The following FAT3 variants were observed in gnomAD, a reference collection of about 807,000 sequenced individuals.
FAT3 encodes the protein FAT atypical cadherin 3.
Under a neutral mutation model 310.2 loss-of-function variants are expected in FAT3, and 95 were observed. The observed-to-expected ratio is 0.31, with a 90% CI of 0.26 to 0.36. The LOEUF (loss-of-function observed/expected upper bound fraction) is 0.36. FAT3 is among the 10% of genes least tolerant of loss of function. The pLI is 1.00. For synonymous variants in FAT3, 2,314 were observed against 2,192.9 expected (o/e 1.06, Z -1.54); for missense variants, 5,408 against 5,715.6 (o/e 0.95, Z 1.74).
chr11:92,725,593 T>A (rs77390739), intron 4 of FAT3, among the ~76,000 whole-genome samples: 1 of 152,144 alleles, frequency 6.6e-6, no homozygotes, highest in Admixed American at 6.6e-5. Context: ...GTTTTTTTTT[T>A]AACCAATTCT....
At chr11:92,297,241 A>T (rs1251468577) in intron 1 of FAT3, among the ~76,000 whole-genome samples, 1 of 152,050 alleles carries the variant, frequency 6.6e-6, no homozygotes, top group Non-Finnish European at 1.5e-5. Flanking sequence ...CTGAATTTTC[A>T]TAGTGTTTCA....
intron 3 of FAT3, among the ~76,000 whole-genome samples, chr11:92,530,979 G>A (rs1185368141): frequency 6.6e-6 from 1 of 151,582 alleles, no homozygotes; most frequent in African/African-American, 2.4e-5. Context: ...ATCTATTGTT[G>A]TTTTTTGTTC....
At chr11:92,507,474 T>TG (rs1412898113) in intron 2 of FAT3, among the ~76,000 whole-genome samples, 1 of 151,942 alleles carries the variant, frequency 6.6e-6, no homozygotes, top group Admixed American at 6.6e-5. Context: ...TATATATGTG[T>TG]GGGGGTGTGT....
intron 2 of FAT3, among the ~76,000 whole-genome samples, chr11:92,391,916 C>T (rs951805546): frequency 6.6e-5 from 10 of 152,178 alleles, no homozygotes; most frequent in Non-Finnish European, 1.5e-4. Flanking sequence ...TGTCCTTGTG[C>T]TCTTTTCATA....
intron 4 of FAT3, among the ~76,000 whole-genome samples, chr11:92,698,381 G>A (rs964234716): frequency 2.0e-5 from 3 of 152,076 alleles, no homozygotes; most frequent in African/African-American, 7.2e-5. Flanking sequence ...AAAGAACACC[G>A]GACTAGGAAT....
chr11:92,438,624 A>G (rs889053187), intron 2 of FAT3, among the ~76,000 whole-genome samples: 1 of 152,180 alleles, frequency 6.6e-6, no homozygotes, highest in Non-Finnish European at 1.5e-5. Flanking sequence ...AATCGAAACA[A>G]TTTTGGTTAA....
At chr11:92,699,260 C>T (rs943917140) in intron 4 of FAT3, among the ~76,000 whole-genome samples, 10 of 152,028 alleles carry the variant, frequency 6.6e-5, no homozygotes, top group African/African-American at 2.4e-4. Flanking sequence ...TGGTGTGATA[C>T]AAGACATAAG....
chr11:92,671,032 GTTTTTGT>G (rs967812351), intron 3 of FAT3, among the ~76,000 whole-genome samples: 3 of 151,826 alleles, frequency 2.0e-5, no homozygotes, highest in South Asian at 2.1e-4. Context: ...TTGGCTCACG[GTTTTTGT>G]TTTTTGTTTT....
At chr11:92,375,400 C>G (rs563969972) in intron 2 of FAT3, among the ~76,000 whole-genome samples, 3 of 152,290 alleles carry the variant, frequency 2.0e-5, no homozygotes, top group Admixed American at 1.3e-4. Flanking sequence ...CTTGGACTCC[C>G]AAATAGCTGA....
At position 92,883,105 on chromosome 11, in the gene FAT3, G is replaced by A. The variant is rs2136413923; in HGVS notation, c.12649G>A (p.Asp4217Asn). 1 of 1,613,832 alleles carries A rather than the reference G, an allele frequency of 6.2e-7. No individual in the cohort carries two copies. Reference sequence around the variant, plus strand: ...GTTCCGGAACCTGCGCGGCAGTGGGGACGGCCGCAACGTCTACCAGGAGGT... The same window carrying A: ...GTTCCGGAACCTGCGCGGCAGTGGGAACGGCCGCAACGTCTACCAGGAGGT... ...IPFRNLRGSG[D>N]GRNVYQEVGP... The change falls in exon 24 of 28, where the codon GAC (aspartate) becomes AAC (asparagine). Residue 4217 changes from aspartate (D) to asparagine (N), a missense_variant. Asp to Asn is a conservative substitution (Grantham distance 23). This residue lies in a region of FAT3 where 649 missense variants were observed against 666.2 expected (regional missense o/e 0.97). Coordinates refer to ENST00000525166, the MANE Select transcript of FAT3 (RefSeq NM_001367949.2). This position sits in a 1 kb window ranked among gnomAD's most constrained non-coding sequence, Gnocchi z 4.2.
Position 92,859,149 on chromosome 11 carries a change from A to G in FAT3, c.11501-16A>G, listed in dbSNP as rs750750312. ...ATGTTAAAAATATATATGTCTTCTC[A>G]TAACGGTCTTTTCAGGGCACACTTC... On this transcript the variant is annotated splice_polypyrimidine_tract_variant and intron_variant, in intron 20 of 27. Coordinates refer to ENST00000525166, the MANE Select transcript of FAT3 (RefSeq NM_001367949.2). 6.2e-6 allele frequency: 10 copies of G among 1,610,890 alleles called. No individual in the cohort carries two copies. Among genetic ancestry groups the G allele is most frequent in the Admixed American group, 1.7e-5 (1 of 59,838 alleles).
At chr11:92,771,601 A>T (rs1163998041) in intron 6 of FAT3, among the ~76,000 whole-genome samples, 2 of 152,092 alleles carry the variant, frequency 1.3e-5, no homozygotes, top group Non-Finnish European at 2.9e-5. Flanking sequence ...AAGCTGAGAG[A>T]CATAGTTTGT....
chr11:92,262,786 T>G (rs1228133948), intron 1 of FAT3, among the ~76,000 whole-genome samples: 5 of 152,136 alleles, frequency 3.3e-5, no homozygotes. Flanking sequence ...CGGGATGGGT[T>G]GACAATGCCC....
At position 92,887,063 on chromosome 11, in the gene FAT3, C is replaced by A. The variant is rs1170308881; in HGVS notation, c.13001C>A (p.Ser4334Tyr). 6.2e-7 allele frequency: 1 copy of A among 1,611,946 alleles called. No individual in the cohort carries two copies. Among genetic ancestry groups the A allele is most frequent in the Non-Finnish European group, 8.5e-7 (1 of 1,179,310 alleles). ...CFAGSNKGSN[S>Y]EVQSLSSFQS... ...GCAGGTAGTAATAAAGGCAGCAACT[C>A]TGAAGTTCAGTCCCTCAGCTCCTTC... The change falls in exon 25 of 28, where the codon TCT (serine) becomes TAT (tyrosine). Residue 4334 changes from serine (S) to tyrosine (Y), a missense_variant. Transcript: ENST00000525166.
At chr11:92,409,036 G>T (rs1950196249) in intron 2 of FAT3, among the ~76,000 whole-genome samples, 1 of 152,084 alleles carries the variant, frequency 6.6e-6, no homozygotes, top group African/African-American at 2.4e-5. Flanking sequence ...ATTACGTATA[G>T]AAGTGTTGTT....
intron 3 of FAT3, among the ~76,000 whole-genome samples, chr11:92,530,551 G>A (rs1954031187): frequency 6.6e-6 from 1 of 151,920 alleles, no homozygotes; most frequent in South Asian, 2.1e-4. Context: ...AACTATCCAT[G>A]AGCAAAATAT....
At chr11:92,427,148 G>A (rs1203311545) in intron 2 of FAT3, among the ~76,000 whole-genome samples, 1 of 152,106 alleles carries the variant, frequency 6.6e-6, no homozygotes, top group African/African-American at 2.4e-5. Flanking sequence ...ATTGTGAATG[G>A]GAGTTCACTC....
At chr11:92,350,028 C>A (rs188613352) in intron 1 of FAT3, among the ~76,000 whole-genome samples, 24 of 151,090 alleles carry the variant, frequency 1.6e-4, no homozygotes, top group African/African-American at 5.8e-4. Flanking sequence ...AGAGCCTGAG[C>A]TCTAATCTAG....
chr11:92,455,529 C>T lies in FAT3; in HGVS notation c.3293-69105C>T, dbSNP rs539741093. 3.4e-3 allele frequency among the ~76,000 whole-genome samples: 512 copies of T among 152,274 alleles called. 8 individuals are homozygous for T. The highest frequency in any genetic ancestry group is 9.0e-3 in the African/African-American group (373 of 41,564). On this transcript the variant is annotated intron_variant, in intron 2 of 27. Coordinates refer to ENST00000525166, the MANE Select transcript of FAT3 (RefSeq NM_001367949.2). ...AATCAAACTGAGCAGACAAGAAAAA[C>T]ACTGACAATTGTCTGCTTCTACTAG...
Sources: allele counts gnomAD v4.1 joint callset (sites outside exome capture counted in the v4.1 genomes callset), GRCh38; gene constraint gnomAD v4.1.1; regional missense constraint gnomAD v4.1.1; non-coding constraint Gnocchi (gnomAD v3.1); transcripts MANE v1.5; gene names NCBI Gene and HGNC (gene_info 2026-07-23, HGNC 2026-07-21).